Variants in ARHGEF26 observed in about 807,000 individuals in gnomAD.
The protein encoded by ARHGEF26 is Rho guanine nucleotide exchange factor 26.
Under a neutral mutation model 89.4 loss-of-function variants are expected in ARHGEF26, and 59 were observed. That is an observed-to-expected ratio of 0.66 (90% CI 0.54 to 0.82). The LOEUF (loss-of-function observed/expected upper bound fraction) is 0.82, where lower values mean the gene tolerates loss of function less well. Ranked by LOEUF, ARHGEF26 falls within the 40% of genes least tolerant of loss-of-function variation. ARHGEF26 has a pLI of 0.00. For missense variants in ARHGEF26, 1,234 were observed against 1,085.6 expected (o/e 1.14, Z -1.92); for synonymous variants, 500 against 428.4 (o/e 1.17, Z -2.06).
At chr3:154,171,152 A>T (rs1462301095) in intron 6 of ARHGEF26, among the ~76,000 whole-genome samples, 5 of 152,170 alleles carry the variant, frequency 3.3e-5, no homozygotes, top group Non-Finnish European at 7.4e-5. Flanking sequence ...TATCTTTCCC[A>T]CTGGACAGCT....
At chr3:154,212,481 G>T (rs1715436463) in intron 9 of ARHGEF26, among the ~76,000 whole-genome samples, 1 of 151,762 alleles carries the variant, frequency 6.6e-6, no homozygotes, top group Admixed American at 6.6e-5. Context: ...TATCCTTCTG[G>T]TTGGCTTTCT....
intron 9 of ARHGEF26, among the ~76,000 whole-genome samples, chr3:154,207,755 G>A (rs890213262): frequency 1.3e-5 from 2 of 152,088 alleles, no homozygotes; most frequent in Non-Finnish European, 2.9e-5. Flanking sequence ...GGTATGCACC[G>A]TAAGGAATAG....
chr3:154,121,735 T>G (rs1302045627), intron 1 of ARHGEF26, among the ~76,000 whole-genome samples: 1 of 152,098 alleles, frequency 6.6e-6, no homozygotes, highest in African/African-American at 2.4e-5. Flanking sequence ...CGGAGGTGAT[T>G]GGATTAATCC....
chr3:154,240,984 A>C (rs754588029), intron 12 of ARHGEF26, among the ~76,000 whole-genome samples: 1 of 152,250 alleles, frequency 6.6e-6, no homozygotes, highest in Admixed American at 6.5e-5. Flanking sequence ...TCAGTCACCT[A>C]CCTTCAACCA....
chr3:154,240,523 A>C lies in ARHGEF26; in HGVS notation c.2244A>C (p.Thr748=), dbSNP rs1029103718. Reference sequence around the variant, plus strand: ...CTGCCAGTCACCTCTTTACTCTGACAGTCCTTAGTAACCACGCGAATGAGA... The same window carrying C: ...CTGCCAGTCACCTCTTTACTCTGACCGTCCTTAGTAACCACGCGAATGAGA... ...QSSASHLFTL[T]VLSNHANEKV... The change falls in exon 12 of 15, where the codon ACA becomes ACC. Residue 748 remains threonine, a synonymous_variant. Coordinates refer to ENST00000465093, the MANE Select transcript of ARHGEF26 (RefSeq NM_015595.4). The C allele has an allele frequency of 3.1e-6, 5 of 1,613,184 alleles. No individual in the cohort carries two copies. The highest frequency in any genetic ancestry group is 1.3e-5 in the African/African-American group (1 of 74,930).
chr3:154,148,817 T>A (rs961506359), intron 4 of ARHGEF26, among the ~76,000 whole-genome samples: 2 of 152,312 alleles, frequency 1.3e-5, no homozygotes, highest in African/African-American at 4.8e-5. Flanking sequence ...CATGAATTCT[T>A]GCTGACAGGC....
intron 6 of ARHGEF26, among the ~76,000 whole-genome samples, chr3:154,160,041 A>G (rs1161084416): frequency 3.9e-5 from 6 of 152,176 alleles, no homozygotes; most frequent in African/African-American, 1.2e-4. Context: ...TTTCCTGAAT[A>G]TAACAGAGAA....
chr3:154,173,906 G>T (rs1712630951), intron 6 of ARHGEF26, among the ~76,000 whole-genome samples: 1 of 110,048 alleles, frequency 9.1e-6, no homozygotes, highest in African/African-American at 3.2e-5. Context: ...TTTTTGGCTT[G>T]GGTGAAAATT....
chr3:154,197,409 G>C (rs1021087759), intron 9 of ARHGEF26, among the ~76,000 whole-genome samples: 1 of 152,122 alleles, frequency 6.6e-6, no homozygotes, highest in Admixed American at 6.6e-5. Context: ...TGAAAATGTA[G>C]AACTACACTT....
At chr3:154,148,329 G>C (rs902806210) in intron 4 of ARHGEF26, among the ~76,000 whole-genome samples, 3 of 152,168 alleles carry the variant, frequency 2.0e-5, no homozygotes, top group Non-Finnish European at 4.4e-5. Flanking sequence ...CTTACTGATG[G>C]CTTGTTAAAG....
intron 9 of ARHGEF26, among the ~76,000 whole-genome samples, chr3:154,211,390 GTT>G (rs1308389709): frequency 6.6e-6 from 1 of 151,762 alleles, no homozygotes; most frequent in African/African-American, 2.4e-5. Flanking sequence ...TATCAGCTGA[GTT>G]TGGTCTTTTT....
intron 6 of ARHGEF26, among the ~76,000 whole-genome samples, chr3:154,171,386 A>C (rs767947290): frequency 2.0e-5 from 3 of 152,188 alleles, no homozygotes; most frequent in Non-Finnish European, 4.4e-5. Flanking sequence ...CCTAAAGTAC[A>C]TAATTTACAT....
At chr3:154,164,855 A>C (rs995745900) in intron 6 of ARHGEF26, among the ~76,000 whole-genome samples, 1 of 152,190 alleles carries the variant, frequency 6.6e-6, no homozygotes, top group African/African-American at 2.4e-5. Flanking sequence ...TCTGCTGTGA[A>C]TAAGATGCTT....
chr3:154,225,160 A>G lies in ARHGEF26; in HGVS notation c.1936-696A>G, dbSNP rs969804527. Among the ~76,000 whole-genome samples the G allele has an allele frequency of 2.0e-5, 3 of 152,224 alleles. No homozygotes were observed. In the South Asian group the frequency reaches 6.2e-4, roughly 32 times the overall value. On this transcript the variant is annotated intron_variant, in intron 10 of 14. Coordinates refer to ENST00000465093, the MANE Select transcript of ARHGEF26 (RefSeq NM_015595.4). ...AAAGAAAATAAAAAAGCAGTATGTAATTTTTTGGATACAGCCTTTTCTATG... is the reference window on the plus strand; with the variant it reads ...AAAGAAAATAAAAAAGCAGTATGTAGTTTTTTGGATACAGCCTTTTCTATG...
At position 154,256,882 on chromosome 3, in the gene ARHGEF26, A is replaced by T. The variant is rs967678345; in HGVS notation, c.*1409A>T. ...TTTTCCACTAGTGCACAGAGAGAGAAAGGTTATCTTAATAGTCGGTTTCAT... is the reference window on the plus strand; with the variant it reads ...TTTTCCACTAGTGCACAGAGAGAGATAGGTTATCTTAATAGTCGGTTTCAT... On this transcript the variant is annotated 3_prime_UTR_variant, in exon 15 of 15. Coordinates refer to ENST00000465093, the MANE Select transcript of ARHGEF26 (RefSeq NM_015595.4). The T allele has an allele frequency of 6.5e-7, 1 of 1,535,086 alleles. No homozygotes were observed. The highest frequency in any genetic ancestry group is 2.4e-5 in the East Asian group (1 of 40,856).
At chr3:154,209,456 T>C (rs1439773568) in intron 9 of ARHGEF26, among the ~76,000 whole-genome samples, 1 of 152,206 alleles carries the variant, frequency 6.6e-6, no homozygotes, top group Non-Finnish European at 1.5e-5. Flanking sequence ...ATCTAAGCTG[T>C]ATCTGCTTTA....
rs779161448 is a variant in ARHGEF26 at position 154,254,713 on chromosome 3, G to C, written c.2369-7G>C. The C allele has an allele frequency of 6.2e-7, 1 of 1,612,346 alleles. No homozygotes were observed. Among genetic ancestry groups the C allele is most frequent in the Non-Finnish European group, 8.5e-7 (1 of 1,178,924 alleles). On this transcript the variant is annotated splice_polypyrimidine_tract_variant and splice_region_variant and intron_variant, in intron 13 of 14. Coordinates refer to ENST00000465093, the MANE Select transcript of ARHGEF26 (RefSeq NM_015595.4). ...TGGAAACTTAGTATGTCCTCTTTTG[G>C]CCTCAGCACTGACCCAGGTGGAAAT...
At chr3:154,185,651 G>T (rs1006920276) in intron 6 of ARHGEF26, among the ~76,000 whole-genome samples, 22 of 152,158 alleles carry the variant, frequency 1.4e-4, no homozygotes, top group African/African-American at 5.3e-4. Context: ...AAGGGTTATT[G>T]TGGAGGCTCC....
chr3:154,185,894 A>AG, intron 6 of ARHGEF26, among the ~76,000 whole-genome samples: 1 of 152,276 alleles, frequency 6.6e-6, no homozygotes, highest in South Asian at 2.1e-4. Context: ...AGGTATTTCA[A>AG]GGAGCTGTGT....
Sources: allele counts gnomAD v4.1 joint callset (sites outside exome capture counted in the v4.1 genomes callset), GRCh38; gene constraint gnomAD v4.1.1; transcripts MANE v1.5; gene names NCBI Gene and HGNC (gene_info 2026-07-23, HGNC 2026-07-21).